The following GLT1D1 variants were observed in gnomAD, a reference collection of about 807,000 sequenced individuals.
The protein encoded by GLT1D1 is glycosyltransferase 1 domain-containing protein 1.
Under a neutral mutation model 28.7 loss-of-function variants are expected in GLT1D1, and 21 were observed. The ratio of observed to expected loss-of-function variants is 0.73; its 90% CI spans 0.52 to 1.05. GLT1D1 has a LOEUF of 1.05. Among genes scored for constraint, GLT1D1 ranks in the 50% least tolerant of loss-of-function variants. The pLI, the probability that GLT1D1 is intolerant of heterozygous loss-of-function variation, is 0.00. For synonymous variants in GLT1D1, 147 were observed against 124.8 expected, an observed-to-expected ratio of 1.18 and a Z score of -1.19; for missense variants, 343 against 330.6, an observed-to-expected ratio of 1.04 and a Z score of -0.29.
intron 4 of GLT1D1, among the ~76,000 whole-genome samples, chr12:128,927,945 A>G (rs561242744): frequency 1.2e-4 from 16 of 132,418 alleles, no homozygotes. Flanking sequence ...AGCTGCAGTG[A>G]GCCAAGGTCG....
chr12:128,884,850 G>A (rs12312449), intron 2 of GLT1D1, among the ~76,000 whole-genome samples: 8,805 of 151,628 alleles, frequency 0.058, 448 homozygotes, highest in African/African-American at 0.14. Context: ...ACAGTAGTAG[G>A]TTTTAAGTGT....
Position 128,853,525 on chromosome 12 carries a change from C to A in GLT1D1, c.-57C>A. The stretch of plus-strand genomic sequence containing the variant: ...CCCCGCCGTCCGCGTCTGCGCCGGC[C>A]CCGGGGCCTGGTCGGCGGCGGCGGG... On this transcript the variant is annotated 5_prime_UTR_variant, in exon 1 of 8. Transcript: ENST00000281703. The A allele has an allele frequency of 2.9e-6, 3 of 1,022,732 alleles. No individual in the cohort carries two copies. Among genetic ancestry groups the A allele is most frequent in the Non-Finnish European group, 3.5e-6 (3 of 857,628 alleles). The allele number at this position is 1,022,732 out of a possible 1,614,324, so 63.4% of individuals were successfully genotyped here.
At chr12:128,956,032 G>T (rs1023528669) in intron 6 of GLT1D1, among the ~76,000 whole-genome samples, 1 of 151,214 alleles carries the variant, frequency 6.6e-6, no homozygotes, top group Non-Finnish European at 1.5e-5. Context: ...GATGGCGGGC[G>T]CCTGTAGTCC....
chr12:128,971,470 GCCTC>G (rs148382314), intron 7 of GLT1D1, among the ~76,000 whole-genome samples: 35,836 of 90,954 alleles, frequency 0.39, 5,996 homozygotes, highest in East Asian at 0.58. Flanking sequence ...CCCTCCCTCT[GCCTC>G]CCTCCCTCCC....
At chr12:128,934,713 T>C (rs118038288) in intron 4 of GLT1D1, among the ~76,000 whole-genome samples, 2,095 of 152,302 alleles carry the variant, frequency 0.014, 26 homozygotes, top group Non-Finnish European at 0.023. Flanking sequence ...AGAGAATTCC[T>C]GGGCAGGCTG....
intron 3 of GLT1D1, among the ~76,000 whole-genome samples, chr12:128,892,669 A>G (rs982256946): frequency 1.3e-5 from 2 of 152,170 alleles, no homozygotes; most frequent in South Asian, 4.1e-4. Context: ...AAAAGAAAGT[A>G]TTGAACTTGT....
chr12:128,914,320 AT>A (rs1555267874), intron 4 of GLT1D1, among the ~76,000 whole-genome samples: 2 of 152,054 alleles, frequency 1.3e-5, no homozygotes, highest in Non-Finnish European at 2.9e-5. Flanking sequence ...ACTTCCTGGC[AT>A]TTTTAAGGAA....
At chr12:128,973,891 G>GGT (rs148486486) in intron 7 of GLT1D1, among the ~76,000 whole-genome samples, 1 of 140,312 alleles carries the variant, frequency 7.1e-6, no homozygotes, top group Admixed American at 7.1e-5. Context: ...GTGTGTAGGG[G>GGT]GTGTGTGTGT....
At chr12:128,963,065 T>A (rs61946468) in intron 7 of GLT1D1, among the ~76,000 whole-genome samples, 52,467 of 152,056 alleles carry the variant, frequency 0.35, 9,898 homozygotes, top group Admixed American at 0.51. Flanking sequence ...GCTGCCAGCC[T>A]GTGACCTCTG....
At chr12:128,956,336 A>G (rs1006486968) in intron 6 of GLT1D1, among the ~76,000 whole-genome samples, 3 of 152,044 alleles carry the variant, frequency 2.0e-5, no homozygotes, top group Non-Finnish European at 4.4e-5. Context: ...CCTATTTTAT[A>G]ATAAAGTGTT....
intron 1 of GLT1D1, 102 bp downstream of exon 1, chr12:128,853,751 C>A (rs1956132193): frequency 1.3e-6 from 1 of 758,918 alleles, no homozygotes; most frequent in African/African-American, 1.9e-5. Context: ...CCCCTCCAGC[C>A]GCGCCGGGGC....
Position 128,957,641 on chromosome 12 carries a change from C to T in GLT1D1, c.637C>T (p.Gln213Ter), listed in dbSNP as rs769854275. ...CACAGGGCTACTGTTTTCCAATCCT[C>T]AGGTAAAGAAAAGTTCTTTCCCTCC... Residue 213 changes from glutamine to a stop codon, truncating the protein, a stop_gained and splice_region_variant, in exon 7 of 8, where the codon CAG (glutamine) becomes TAG (stop). Transcript: ENST00000281703. LOFTEE classifies it low-confidence loss of function (END_TRUNC). 6.4e-5 allele frequency: 103 copies of T among 1,603,798 alleles called. 1 individual carries two copies. The Admixed American group carries it at 1.3e-3, about 20-fold the overall frequency.
In GLT1D1 at chr12:128,959,171, C is replaced by A. The variant is rs564487944; in HGVS notation, c.639+1528C>A. ...TCTTAAAAAAATATTAGGTTTTACG[C>A]CTAACCATCTTTATTAAAGCACATA... On this transcript the variant is annotated intron_variant, in intron 7 of 7. Coordinates refer to ENST00000281703, the MANE Select transcript of GLT1D1 (RefSeq NM_144669.3). Among the ~76,000 whole-genome samples the A allele has an allele frequency of 3.1e-4, 47 of 151,714 alleles. No individual in the cohort carries two copies. In the South Asian group the frequency reaches 9.8e-3, roughly 32 times the overall value.
At chr12:128,914,160 T>G (rs1010958839) in intron 4 of GLT1D1, among the ~76,000 whole-genome samples, 5 of 152,108 alleles carry the variant, frequency 3.3e-5, no homozygotes, top group African/African-American at 1.2e-4. Context: ...CATTTTTTTT[T>G]TCAGCAAAAA....
chr12:128,951,656 G>T (rs1177018063), intron 6 of GLT1D1, among the ~76,000 whole-genome samples: 1 of 152,144 alleles, frequency 6.6e-6, no homozygotes, highest in Non-Finnish European at 1.5e-5. Flanking sequence ...GACTCATGGG[G>T]CATGTTCTGA....
chr12:128,955,843 C>G (rs575323869), intron 6 of GLT1D1, among the ~76,000 whole-genome samples: 1 of 151,942 alleles, frequency 6.6e-6, no homozygotes, highest in South Asian at 2.1e-4. Flanking sequence ...TCCCTCACCT[C>G]TCCTCTGTGA....
chr12:128,975,633 G>A (rs1331814336), intron 7 of GLT1D1, among the ~76,000 whole-genome samples: 1 of 152,108 alleles, frequency 6.6e-6, no homozygotes, highest in East Asian at 1.9e-4. Context: ...GTGTTTTTTA[G>A]TAGAGACAGG....
At chr12:128,912,794 C>T (rs949884854) in intron 4 of GLT1D1, among the ~76,000 whole-genome samples, 44 of 152,012 alleles carry the variant, frequency 2.9e-4, no homozygotes, top group Non-Finnish European at 5.3e-4. Context: ...CCCCCAGTAG[C>T]TGGGACTATA....
chr12:128,945,440 A>G (rs1187573329), intron 5 of GLT1D1, 71 bp downstream of exon 9: 25 of 1,184,332 alleles, frequency 2.1e-5, no homozygotes, highest in Non-Finnish European at 3.0e-5. Context: ...ACCTGAACTC[A>G]CATTTATCCA....
Sources: gnomAD v4.1 joint callset for allele counts (sites outside exome capture counted in the v4.1 genomes callset) on GRCh38, gnomAD v4.1.1 for gene constraint, MANE v1.5 for transcripts, NCBI Gene and HGNC (gene_info 2026-07-23, HGNC 2026-07-21) for gene names.